MCC: variants seen among roughly 807,000 people sequenced by gnomAD.
The protein encoded by MCC is MCC regulator of Wnt signaling pathway.
In MCC, 90 loss-of-function variants were observed where a neutral mutation model predicts 116.2. That is an observed-to-expected ratio of 0.77 (90% CI 0.65 to 0.92). The LOEUF (loss-of-function observed/expected upper bound fraction) is 0.92. Among genes scored for constraint, MCC ranks in the 40% least tolerant of loss-of-function variants. The probability of loss-of-function intolerance (pLI) is 0.00; values close to 1 mark genes in which losing one functional copy is unlikely to be tolerated. For missense variants in MCC, 1,516 were observed against 1,312.2 expected (o/e 1.16, Z -2.40); for synonymous variants, 578 against 510.5 (o/e 1.13, Z -1.78).
At position 113,271,603 on chromosome 5, in the gene MCC, G is replaced by C. The variant is rs111350678; in HGVS notation, c.627+68916C>G. 2.1e-3 allele frequency among the ~76,000 whole-genome samples: 313 copies of C among 152,302 alleles called. 4 individuals carry two copies. Among genetic ancestry groups the C allele is most frequent in the African/African-American group, 6.7e-3 (280 of 41,562 alleles). ...GCAAACAGAAATAGTTGGTGCTATG[G>C]TTTGAATGTGTTCCCCACATTGGGA... On this transcript the variant is annotated intron_variant, in intron 3 of 18. Coordinates refer to ENST00000408903, the MANE Select transcript of MCC (RefSeq NM_001085377.2).
Position 113,132,443 on chromosome 5 carries a change from T to TATACAC in MCC, c.885-9618_885-9617insGTGTAT, listed in dbSNP as rs1258191415. ...ACACACATACATATATATATATATA[T>TATACAC]ACACACACACACACACACACACACA... is the stretch of plus-strand genomic sequence containing the variant. On this transcript the variant is annotated intron_variant, in intron 5 of 18. Transcript: ENST00000408903. 4.6e-3 allele frequency among the ~76,000 whole-genome samples: 168 copies of TATACAC among 36,588 alleles called. 6 individuals carry two copies. The highest frequency in any genetic ancestry group is 7.7e-3 in the African/African-American group (163 of 21,080). 24.0% of individuals were successfully genotyped at this position (36,588 alleles called of 152,430 possible). A position where few individuals can be genotyped will look rare whatever the true frequency, so the allele number is the denominator to read the frequency against.
At chr5:113,451,439 A>T (rs894684765) in intron 1 of MCC, among the ~76,000 whole-genome samples, 2 of 152,230 alleles carry the variant, frequency 1.3e-5, no homozygotes, top group African/African-American at 4.8e-5. Flanking sequence ...CATTTCATGG[A>T]TTAAGAAAAC....
chr5:113,074,900 G>T (rs142970408), intron 11 of MCC, among the ~76,000 whole-genome samples: 1 of 152,210 alleles, frequency 6.6e-6, no homozygotes, highest in African/African-American at 2.4e-5. Context: ...GTGACAAAGT[G>T]CTAGCAGCCC....
rs563140567 is a variant in MCC, at chr5:113,094,772, T to C, written c.1398+6967A>G. ...TGACAAATTGAGTCAGCTTCTTTCA[T>C]GACAGCCAAGAGCTAGCCTTGAAGC... On this transcript the variant is annotated intron_variant, in intron 8 of 18. Coordinates refer to ENST00000408903, the MANE Select transcript of MCC (RefSeq NM_001085377.2). Among the ~76,000 whole-genome samples the C allele has an allele frequency of 1.7e-3, 255 of 152,330 alleles. 2 individuals carry two copies. Among genetic ancestry groups the C allele is most frequent in the African/African-American group, 5.7e-3 (237 of 41,584 alleles).
At chr5:113,091,173 G>C (rs947747907) in intron 8 of MCC, among the ~76,000 whole-genome samples, 6 of 152,240 alleles carry the variant, frequency 3.9e-5, no homozygotes, top group African/African-American at 1.4e-4. Flanking sequence ...CAGACCAGTG[G>C]CACCTTTGGG....
chr5:113,269,045 A>C (rs190774469), intron 3 of MCC: 13 of 463,648 alleles, frequency 2.8e-5, no homozygotes, highest in African/African-American at 2.8e-4. Flanking sequence ...TTAGAAACTA[A>C]GAAGGCAGCA....
At chr5:113,177,612 C>T (rs1012257795) in intron 3 of MCC, among the ~76,000 whole-genome samples, 1 of 152,144 alleles carries the variant, frequency 6.6e-6, no homozygotes. Context: ...GTACATTTTG[C>T]CATTAAAGCC....
intron 11 of MCC, among the ~76,000 whole-genome samples, chr5:113,073,073 T>G (rs534298621): frequency 1.1e-4 from 15 of 141,714 alleles, no homozygotes; most frequent in Non-Finnish European, 2.2e-4. Context: ...TTACGAGATA[T>G]TTTTGCAATT....
intron 1 of MCC, among the ~76,000 whole-genome samples, chr5:113,408,074 T>C (rs1769887107): frequency 6.6e-6 from 1 of 152,172 alleles, no homozygotes; most frequent in Non-Finnish European, 1.5e-5. Flanking sequence ...AATCTCCTGA[T>C]ATAACCCCAG....
At chr5:113,447,367 C>T (rs1771253324) in intron 1 of MCC, among the ~76,000 whole-genome samples, 1 of 152,044 alleles carries the variant, frequency 6.6e-6, no homozygotes, top group Admixed American at 6.6e-5. Flanking sequence ...TTACTTTTTC[C>T]TTTATAAAAA....
chr5:113,336,774 A>G (rs1156318114), intron 3 of MCC, among the ~76,000 whole-genome samples: 1 of 152,218 alleles, frequency 6.6e-6, no homozygotes, highest in Non-Finnish European at 1.5e-5. Flanking sequence ...TGCTGTAAGT[A>G]TCTGTGTACA....
At chr5:113,248,238 A>ATT in intron 3 of MCC, among the ~76,000 whole-genome samples, 1 of 88,100 alleles carries the variant, frequency 1.1e-5, no homozygotes, top group Non-Finnish European at 2.0e-5. Flanking sequence ...ATCTATTTAA[A>ATT]AAAAAAAAAA....
intron 3 of MCC, among the ~76,000 whole-genome samples, chr5:113,187,475 C>T (rs957182958): frequency 3.3e-5 from 5 of 152,102 alleles, no homozygotes. Context: ...TTCTGAGGAT[C>T]AGAGGAACCC....
intron 7 of MCC, among the ~76,000 whole-genome samples, chr5:113,102,285 C>T (rs1756468470): frequency 6.6e-6 from 1 of 152,218 alleles, no homozygotes; most frequent in Admixed American, 6.5e-5. Context: ...TTGGTGGATA[C>T]ACACAACCAG....
intron 1 of MCC, among the ~76,000 whole-genome samples, chr5:113,444,989 C>T (rs903214671): frequency 2.6e-5 from 4 of 152,070 alleles, no homozygotes; most frequent in African/African-American, 9.7e-5. Context: ...AAGGGCAGAA[C>T]TGTATATTTA....
chr5:113,156,329 G>C (rs1298627796), intron 3 of MCC, among the ~76,000 whole-genome samples: 1 of 152,188 alleles, frequency 6.6e-6, no homozygotes, highest in African/African-American at 2.4e-5. Flanking sequence ...AATCCCTTTT[G>C]TTGTAGGGCT....
intron 1 of MCC, among the ~76,000 whole-genome samples, chr5:113,431,676 G>A (rs1770648531): frequency 6.7e-6 from 1 of 149,854 alleles, no homozygotes; most frequent in African/African-American, 2.4e-5. Context: ...GCCTTAGAGG[G>A]GTATACCTTG....
At chr5:113,313,876 A>G (rs1424155133) in intron 3 of MCC, among the ~76,000 whole-genome samples, 1 of 151,734 alleles carries the variant, frequency 6.6e-6, no homozygotes. Flanking sequence ...GCTGGAGTGC[A>G]GTGGTGTGAT....
chr5:113,303,844 G>A (rs754033278), intron 3 of MCC, among the ~76,000 whole-genome samples: 82 of 151,984 alleles, frequency 5.4e-4, no homozygotes, highest in Non-Finnish European at 4.1e-4. Context: ...TAGTAGAGAC[G>A]GGGTTTCACC....
Sources: allele counts gnomAD v4.1 joint callset (sites outside exome capture counted in the v4.1 genomes callset), GRCh38; gene constraint gnomAD v4.1.1; transcripts MANE v1.5; gene names NCBI Gene and HGNC (gene_info 2026-07-23, HGNC 2026-07-21).